Variants in LUZP2 observed in about 807,000 individuals in gnomAD.
LUZP2 encodes leucine zipper protein 2.
LUZP2 carries 52 observed loss-of-function variants against 51.6 expected under a neutral mutation model. The ratio of observed to expected loss-of-function variants is 1.01; its 90% confidence interval spans 0.81 to 1.27. The LOEUF (loss-of-function observed/expected upper bound fraction) is 1.27. Among genes scored for constraint, LUZP2 ranks in the 50% most tolerant of loss-of-function variants. The pLI, the probability that LUZP2 is intolerant of heterozygous loss-of-function variation, is 0.00. For synonymous variants in LUZP2, 154 were observed against 137.3 expected (o/e 1.12, Z -0.85); for missense variants, 436 against 395.4 (o/e 1.10, Z -0.87).
At chr11:24,757,054 ATGC>A (rs1859802449) in intron 4 of LUZP2, among the ~76,000 whole-genome samples, 1 of 152,210 alleles carries the variant, frequency 6.6e-6, no homozygotes, top group Non-Finnish European at 1.5e-5. Context: ...TGGGGCTTCC[ATGC>A]CATCCCTGGG....
intron 5 of LUZP2, among the ~76,000 whole-genome samples, chr11:24,782,687 C>T (rs1259513788): frequency 6.6e-6 from 1 of 151,940 alleles, no homozygotes; most frequent in African/African-American, 2.4e-5. Context: ...GAACCCAGTG[C>T]CTGTCAAATA....
intron 9 of LUZP2, among the ~76,000 whole-genome samples, chr11:25,000,273 G>A (rs933351998): frequency 1.6e-4 from 25 of 152,164 alleles, no homozygotes; most frequent in South Asian, 2.1e-4. Context: ...AGCCCAAGCC[G>A]GCTTCACCTC....
intron 5 of LUZP2, among the ~76,000 whole-genome samples, chr11:24,792,650 A>G (rs1849440040): frequency 6.6e-6 from 1 of 152,172 alleles, no homozygotes; most frequent in Non-Finnish European, 1.5e-5. Flanking sequence ...AGTAAAAAGG[A>G]GAGACTGGAT....
intron 9 of LUZP2, among the ~76,000 whole-genome samples, chr11:24,992,101 G>A (rs1249210568): frequency 6.6e-6 from 1 of 151,798 alleles, no homozygotes; most frequent in African/African-American, 2.4e-5. Flanking sequence ...GTATTTATAT[G>A]GCATTTGTGA....
chr11:24,631,835 ATATTT>A (rs994106034), intron 1 of LUZP2, among the ~76,000 whole-genome samples: 1 of 151,864 alleles, frequency 6.6e-6, no homozygotes, highest in Non-Finnish European at 1.5e-5. Context: ...TTTTTGAGAG[ATATTT>A]TATTACTGAT....
intron 5 of LUZP2, among the ~76,000 whole-genome samples, chr11:24,840,540 A>T (rs1451547639): frequency 6.6e-6 from 1 of 151,918 alleles, no homozygotes; most frequent in Non-Finnish European, 1.5e-5. Flanking sequence ...CCAAAGAATA[A>T]TCTATGAAGC....
chr11:24,994,197 T>C (rs956503028), intron 9 of LUZP2, among the ~76,000 whole-genome samples: 1 of 148,434 alleles, frequency 6.7e-6, no homozygotes, highest in Non-Finnish European at 1.5e-5. Context: ...GATATTGCTA[T>C]GTTTAATAAG....
chr11:24,980,275 G>A (rs1427040704), intron 8 of LUZP2, among the ~76,000 whole-genome samples: 1 of 114,066 alleles, frequency 8.8e-6, no homozygotes, highest in Admixed American at 9.3e-5. Flanking sequence ...GTTGTCCCCA[G>A]ACAAAATGCA....
chr11:25,060,561 A>G lies in LUZP2; in HGVS notation c.858+10431A>G, dbSNP rs200253698. 7.9e-5 allele frequency among the ~76,000 whole-genome samples: 12 copies of G among 152,338 alleles called. No individual in the cohort carries two copies. In the East Asian group the frequency reaches 1.7e-3, roughly 22 times the overall value. ...TCTCTTTATTCACATTGCTGTGATT[A>G]CCTTTATTATCTCATTTCACTGTGA... is the stretch of plus-strand genomic sequence containing the variant. On this transcript the variant is annotated intron_variant, in intron 10 of 11. Coordinates refer to ENST00000336930, the MANE Select transcript of LUZP2 (RefSeq NM_001009909.4).
intron 9 of LUZP2, among the ~76,000 whole-genome samples, chr11:24,990,770 T>C (rs1369724672): frequency 6.6e-6 from 1 of 151,978 alleles, no homozygotes; most frequent in Non-Finnish European, 1.5e-5. Flanking sequence ...AAGTCAAGAA[T>C]ATATATTTTT....
At chr11:25,031,220 C>A (rs940933243) in intron 9 of LUZP2, among the ~76,000 whole-genome samples, 1 of 150,646 alleles carries the variant, frequency 6.6e-6, no homozygotes. Context: ...CCATATTGGC[C>A]AGGCTGCTCT....
chr11:24,870,293 G>T (rs1852020872), intron 5 of LUZP2, among the ~76,000 whole-genome samples: 1 of 152,080 alleles, frequency 6.6e-6, no homozygotes, highest in African/African-American at 2.4e-5. Context: ...TACAATTTTT[G>T]CCAGAATTCT....
intron 10 of LUZP2, among the ~76,000 whole-genome samples, chr11:25,076,578 G>A (rs12794210): frequency 0.44 from 64,807 of 147,100 alleles, 15,328 homozygotes; most frequent in East Asian, 0.79. Flanking sequence ...GAGGAAGGGA[G>A]GGAGGAAGGG....
intron 1 of LUZP2, among the ~76,000 whole-genome samples, chr11:24,619,458 A>T (rs1467059): frequency 0.35 from 53,991 of 152,106 alleles, 9,736 homozygotes; most frequent in Middle Eastern, 0.43. Flanking sequence ...TCCCAGTGCC[A>T]TATACTTGAA....
intron 1 of LUZP2, among the ~76,000 whole-genome samples, chr11:24,695,816 C>A (rs1031945518): frequency 2.0e-5 from 3 of 151,440 alleles, no homozygotes; most frequent in African/African-American, 7.3e-5. Flanking sequence ...TTGACAGGTT[C>A]AGAGGAGAGC....
chr11:24,745,593 G>A (rs1859349554), intron 4 of LUZP2, among the ~76,000 whole-genome samples: 1 of 152,068 alleles, frequency 6.6e-6, no homozygotes, highest in Non-Finnish European at 1.5e-5. Context: ...AAGTTTATAT[G>A]AGTTCTTATG....
At chr11:24,966,918 A>G (rs1482740764) in intron 7 of LUZP2, among the ~76,000 whole-genome samples, 1 of 148,364 alleles carries the variant, frequency 6.7e-6, no homozygotes, top group Non-Finnish European at 1.5e-5. Flanking sequence ...TATATAATAT[A>G]TGATAAAATC....
At chr11:24,866,073 T>A (rs1851884748) in intron 5 of LUZP2, among the ~76,000 whole-genome samples, 1 of 151,166 alleles carries the variant, frequency 6.6e-6, no homozygotes, top group Non-Finnish European at 1.5e-5. Flanking sequence ...CCTCCCAAAG[T>A]GCTGAGATTA....
chr11:24,638,256 C>T (rs1011827583), intron 1 of LUZP2, among the ~76,000 whole-genome samples: 3 of 151,280 alleles, frequency 2.0e-5, no homozygotes, highest in Non-Finnish European at 4.4e-5. Flanking sequence ...TTAAAATTGT[C>T]AATAAAATAG....
Sources: gnomAD v4.1 joint callset for allele counts (sites outside exome capture counted in the v4.1 genomes callset) on GRCh38, gnomAD v4.1.1 for gene constraint, MANE v1.5 for transcripts, NCBI Gene and HGNC (gene_info 2026-07-23, HGNC 2026-07-21) for gene names.